Variants in CDH13 observed in about 807,000 individuals in gnomAD.
CDH13 encodes the protein cadherin 13, also known as cadherin-13.
CDH13 carries 24 observed loss-of-function variants against 63.8 expected under a neutral mutation model. That is an observed-to-expected ratio of 0.38 (90% CI 0.27 to 0.53). The LOEUF (loss-of-function observed/expected upper bound fraction) is 0.53, where lower values mean the gene tolerates loss of function less well. Ranked by LOEUF, CDH13 falls within the 20% of genes least tolerant of loss-of-function variation. The pLI is 0.85. For missense variants in CDH13, 1,049 were observed against 903.1 expected, an observed-to-expected ratio of 1.16 and a Z score of -2.07; for synonymous variants, 503 against 355.3, an observed-to-expected ratio of 1.42 and a Z score of -4.67.
At chr16:83,031,658 C>T (rs1241296386) in intron 2 of CDH13, among the ~76,000 whole-genome samples, 1 of 152,054 alleles carries the variant, frequency 6.6e-6, no homozygotes, top group African/African-American at 2.4e-5. Context: ...GTCCTGAGCA[C>T]CCTGTGGTTC....
intron 1 of CDH13, among the ~76,000 whole-genome samples, chr16:82,810,100 C>A (rs975467323): frequency 2.2e-4 from 33 of 152,214 alleles, no homozygotes; most frequent in African/African-American, 6.3e-4. Context: ...AACCCTCCAT[C>A]ATTGATCGAA....
intron 8 of CDH13, among the ~76,000 whole-genome samples, chr16:83,664,933 G>A (rs1003805239): frequency 6.6e-6 from 1 of 152,214 alleles, no homozygotes; most frequent in Non-Finnish European, 1.5e-5. Flanking sequence ...CTCACTTACT[G>A]ATGTATTTTT....
intron 3 of CDH13, among the ~76,000 whole-genome samples, chr16:83,036,040 C>T (rs748389245): frequency 6.6e-6 from 1 of 151,814 alleles, no homozygotes; most frequent in Non-Finnish European, 1.5e-5. Context: ...GGTGAGGAGA[C>T]TGAGACACAA....
rs551798472 is a variant in CDH13 at position 83,786,945 on chromosome 16, T to C, written c.2134+3473T>C. Among the ~76,000 whole-genome samples, 7 of 152,356 alleles carry C rather than the reference T, an allele frequency of 4.6e-5. No individual in the cohort carries two copies. The South Asian group carries it at 1.5e-3, about 32-fold the overall frequency. ...TTACAGGCAAAGGTAAAATTGCCTA[T>C]GTTTCTCTGCCCAATTTTATTTTCT... On this transcript the variant is annotated intron_variant, in intron 13 of 13. Coordinates refer to ENST00000567109, the MANE Select transcript of CDH13 (RefSeq NM_001257.5).
intron 5 of CDH13, among the ~76,000 whole-genome samples, chr16:83,283,426 A>G (rs914260196): frequency 4.6e-5 from 7 of 152,264 alleles, no homozygotes; most frequent in African/African-American, 1.7e-4. Context: ...CCCTGTCTCT[A>G]CTAAAATTAC....
intron 1 of CDH13, chr16:82,824,274 T>C (rs1481020929): frequency 6.6e-6 from 1 of 151,712 alleles, no homozygotes; most frequent in Non-Finnish European, 1.5e-5. Flanking sequence ...CTTACAAAGA[T>C]GATAGAAACC....
At chr16:82,678,116 G>T (rs369852109) in intron 1 of CDH13, among the ~76,000 whole-genome samples, 3 of 152,242 alleles carry the variant, frequency 2.0e-5, no homozygotes, top group African/African-American at 7.2e-5. Flanking sequence ...CCCATGGAAG[G>T]TATCTAGTAC....
chr16:83,394,623 C>T (rs944807441), intron 6 of CDH13, among the ~76,000 whole-genome samples: 2 of 152,158 alleles, frequency 1.3e-5, no homozygotes, highest in African/African-American at 2.4e-5. Context: ...TGAGCAGAAG[C>T]GTGACATGAC....
chr16:83,251,712 G>A (rs1336750301), intron 5 of CDH13, among the ~76,000 whole-genome samples: 3 of 152,302 alleles, frequency 2.0e-5, no homozygotes, highest in South Asian at 4.2e-4. Context: ...GAATAGCTAC[G>A]CTGAGAAAGG....
intron 2 of CDH13, among the ~76,000 whole-genome samples, chr16:82,869,673 CTATGCATT>C (rs1274419436): frequency 1.3e-5 from 2 of 152,100 alleles, no homozygotes; most frequent in Non-Finnish European, 2.9e-5. Context: ...ACCCAGAAAT[CTATGCATT>C]TACAGTGAAC....
intron 7 of CDH13, among the ~76,000 whole-genome samples, chr16:83,499,761 G>A (rs1393263708): frequency 6.6e-6 from 1 of 152,020 alleles, no homozygotes; most frequent in Admixed American, 6.6e-5. Context: ...TAGTTTGGGT[G>A]CAGTGGCCAC....
intron 5 of CDH13, among the ~76,000 whole-genome samples, chr16:83,339,111 G>C (rs1478499554): frequency 7.9e-5 from 12 of 152,260 alleles, no homozygotes; most frequent in Admixed American, 6.5e-4. Flanking sequence ...GGAGTGTTGA[G>C]GGGGATGGAG....
At chr16:83,285,375 C>T (rs2089283316) in intron 5 of CDH13, among the ~76,000 whole-genome samples, 2 of 152,024 alleles carry the variant, frequency 1.3e-5, no homozygotes, top group African/African-American at 4.8e-5. Flanking sequence ...TTTAGGGGCA[C>T]AGGTGGCATT....
At chr16:82,828,259 T>G (rs1168347431) in intron 1 of CDH13, among the ~76,000 whole-genome samples, 1 of 152,184 alleles carries the variant, frequency 6.6e-6, no homozygotes, top group African/African-American at 2.4e-5. Context: ...TACGTCTGTT[T>G]CACACACAGT....
intron 6 of CDH13, among the ~76,000 whole-genome samples, chr16:83,422,085 G>A (rs926775211): frequency 6.6e-6 from 1 of 152,154 alleles, no homozygotes; most frequent in African/African-American, 2.4e-5. Context: ...ATACAGAAAA[G>A]TTGGTAGATT....
Position 83,723,965 on chromosome 16 carries a change from G to T in CDH13, c.1539-24143G>T, listed in dbSNP as rs553844007. ...ATGGATGAGTGATGAATGCCTGGGT[G>T]GGTGATGAATGCATGGATGAATGTG... On this transcript the variant is annotated intron_variant, in intron 10 of 13. Coordinates refer to ENST00000567109, the MANE Select transcript of CDH13 (RefSeq NM_001257.5). 2.0e-5 allele frequency among the ~76,000 whole-genome samples: 3 copies of T among 152,336 alleles called. No homozygotes were observed. In the East Asian group the frequency reaches 5.8e-4, roughly 29 times the overall value.
chr16:83,033,629 C>A (rs889010413), intron 3 of CDH13, among the ~76,000 whole-genome samples: 7 of 152,172 alleles, frequency 4.6e-5, no homozygotes, highest in African/African-American at 1.7e-4. Flanking sequence ...CTTCCACAGG[C>A]ACATGCATGC....
intron 1 of CDH13, among the ~76,000 whole-genome samples, chr16:82,853,941 G>A (rs1424041728): frequency 2.6e-5 from 4 of 152,130 alleles, no homozygotes; most frequent in Admixed American, 2.6e-4. Flanking sequence ...TTGGAGAAAG[G>A]GCTTGCCTGG....
chr16:83,040,398 A>T (rs1465987559), intron 3 of CDH13, among the ~76,000 whole-genome samples: 2 of 152,140 alleles, frequency 1.3e-5, no homozygotes, highest in Non-Finnish European at 2.9e-5. Context: ...TGAGTCACAA[A>T]ACCTCAAAAG....
Sources: allele counts gnomAD v4.1 joint callset (sites outside exome capture counted in the v4.1 genomes callset), GRCh38; gene constraint gnomAD v4.1.1; transcripts MANE v1.5; gene names NCBI Gene and HGNC (gene_info 2026-07-23, HGNC 2026-07-21).